Variants in CSMD2 observed in about 807,000 individuals in gnomAD.
CSMD2 encodes CUB and Sushi multiple domains 2, also known as CUB and sushi domain-containing protein 2.
Under a neutral mutation model 398.5 loss-of-function variants are expected in CSMD2, and 130 were observed. That is an observed-to-expected ratio of 0.33 (90% confidence interval 0.28 to 0.38). CSMD2 has a LOEUF of 0.38. CSMD2 is among the 10% of genes least tolerant of loss of function. The probability of loss-of-function intolerance (pLI) is 1.00; values close to 1 mark genes in which losing one functional copy is unlikely to be tolerated. For missense variants in CSMD2, 3,829 were observed against 4,764.9 expected (o/e 0.80, Z 5.78); for synonymous variants, 1,828 against 1,908.5 (o/e 0.96, Z 1.10).
intron 5 of CSMD2, among the ~76,000 whole-genome samples, chr1:33,856,902 G>C (rs1052290035): frequency 6.6e-6 from 1 of 151,746 alleles, no homozygotes; most frequent in Non-Finnish European, 1.5e-5. Context: ...CTCATAGTGC[G>C]ATTGTGAGTG....
chr1:33,677,970 AG>A (rs1644774855), intron 25 of CSMD2, among the ~76,000 whole-genome samples: 1 of 55,236 alleles, frequency 1.8e-5, no homozygotes, highest in South Asian at 9.1e-4. Flanking sequence ...GGGTGGGGGG[AG>A]GGGGGAGGGA....
At chr1:33,807,602 A>G (rs1656371229) in intron 10 of CSMD2, among the ~76,000 whole-genome samples, 1 of 152,010 alleles carries the variant, frequency 6.6e-6, no homozygotes, top group South Asian at 2.1e-4. Context: ...TAACAATAAT[A>G]ACTTGAGAAA....
intron 3 of CSMD2, among the ~76,000 whole-genome samples, chr1:34,015,877 T>A (rs1041083982): frequency 6.6e-6 from 1 of 152,118 alleles, no homozygotes; most frequent in African/African-American, 2.4e-5. Context: ...CGAATAAATC[T>A]TCAGCAGGAA....
intron 3 of CSMD2, among the ~76,000 whole-genome samples, chr1:34,011,025 T>C (rs557604270): frequency 2.6e-5 from 4 of 152,254 alleles, no homozygotes; most frequent in South Asian, 2.1e-4. Flanking sequence ...CCCTAACCCA[T>C]TCACCTTAAG....
In CSMD2 at chr1:34,008,281, G is replaced by A. The variant is rs532475444; in HGVS notation, c.517+24313C>T. On this transcript the variant is annotated intron_variant, in intron 3 of 70. Transcript: ENST00000373381. ...GTGTCAGGATTCAGCCTATTTTAAT[G>A]CAGGAAGAAATGAAGGTCCTGAAAG... Among the ~76,000 whole-genome samples the A allele has an allele frequency of 5.0e-4, 76 of 152,280 alleles. 1 individual carries two copies. Among genetic ancestry groups the A allele is most frequent in the Admixed American group, 1.6e-3 (25 of 15,292 alleles).
intron 53 of CSMD2, 100 bp downstream of exon 53, chr1:33,567,493 A>T: frequency 1.0e-5 from 8 of 779,686 alleles, no homozygotes; most frequent in East Asian, 3.2e-5. Flanking sequence ...ATATATATAT[A>T]TATTTAAAAC....
intron 40 of CSMD2, among the ~76,000 whole-genome samples, chr1:33,614,147 CT>C (rs61545118): frequency 0.11 from 16,189 of 149,738 alleles, 1,111 homozygotes; most frequent in Non-Finnish European, 0.16. Context: ...CCACCCCCGC[CT>C]TTTTTTTTAA....
intron 5 of CSMD2, among the ~76,000 whole-genome samples, chr1:33,868,259 C>A (rs1640180852): frequency 6.6e-6 from 1 of 152,206 alleles, no homozygotes; most frequent in African/African-American, 2.4e-5. Context: ...AATCACTCAA[C>A]TCTGATCCTT....
Position 33,537,290 on chromosome 1 carries a change from T to C in CSMD2, c.9805+146A>G, listed in dbSNP as rs1437947677. The C allele has an allele frequency of 2.7e-6, 3 of 1,116,542 alleles. No individual in the cohort carries two copies. The Admixed American group carries it at 6.3e-5, about 23-fold the overall frequency. The allele number at this position is 1,116,542 out of a possible 1,614,324, so 69.2% of individuals were successfully genotyped here. A position where few individuals can be genotyped will look rare whatever the true frequency, so the allele number is the denominator to read the frequency against. On this transcript the variant is annotated intron_variant, in intron 61 of 70. Transcript: ENST00000373381. This position sits in a 1 kb window ranked among gnomAD's most constrained non-coding sequence, Gnocchi z 4.6. ...GCACACTAGCTCTGGCTATTTTACA[T>C]CCTGCTGCAGAAGCTCAGAGGATGA...
chr1:33,724,898 A>T (rs1646477635), intron 17 of CSMD2, among the ~76,000 whole-genome samples, 194 bp from the exon 18 acceptor site: 1 of 152,200 alleles, frequency 6.6e-6, no homozygotes, highest in East Asian at 1.9e-4. Flanking sequence ...GAGTAAGAAA[A>T]TGACCTTGTC....
At chr1:33,907,656 C>G (rs148779341) in intron 5 of CSMD2, among the ~76,000 whole-genome samples, 2 of 152,164 alleles carry the variant, frequency 1.3e-5, no homozygotes, top group African/African-American at 4.8e-5. Flanking sequence ...CCCCAAATGA[C>G]CCAAACTGTT....
intron 1 of CSMD2, among the ~76,000 whole-genome samples, chr1:34,095,717 T>C (rs1288491451): frequency 6.6e-6 from 1 of 151,304 alleles, no homozygotes; most frequent in Non-Finnish European, 1.5e-5. Flanking sequence ...CAGGAAGAAG[T>C]TGAATCTCTG....
At chr1:33,783,875 C>T (rs766697094) in intron 12 of CSMD2, among the ~76,000 whole-genome samples, 5 of 152,140 alleles carry the variant, frequency 3.3e-5, no homozygotes, top group South Asian at 2.1e-4. Context: ...TTGTCCCTTC[C>T]GCCTTTGACT....
intron 3 of CSMD2, among the ~76,000 whole-genome samples, chr1:33,976,546 A>G (rs1190459212): frequency 6.6e-6 from 1 of 152,170 alleles, no homozygotes; most frequent in Non-Finnish European, 1.5e-5. Context: ...AGCTCAGAGC[A>G]GGGCTGTGGA....
chr1:34,025,897 G>T (rs1017589913), intron 3 of CSMD2, among the ~76,000 whole-genome samples: 2 of 152,140 alleles, frequency 1.3e-5, no homozygotes, highest in Non-Finnish European at 2.9e-5. Flanking sequence ...ACGAACAGCT[G>T]GATTAAGGAT....
intron 13 of CSMD2, among the ~76,000 whole-genome samples, chr1:33,750,678 G>T (rs1208957162): frequency 3.3e-5 from 5 of 152,120 alleles, no homozygotes; most frequent in Non-Finnish European, 7.4e-5. Flanking sequence ...GTCCAGAAAA[G>T]GAACCAAAAA....
chr1:33,700,521 A>G lies in CSMD2; in HGVS notation c.3729T>C (p.Phe1243=). 3 of 1,614,114 alleles carry G rather than the reference A, an allele frequency of 1.9e-6. No individual in the cohort carries two copies. The highest frequency in any genetic ancestry group is 2.5e-6 in the Non-Finnish European group (3 of 1,180,006). ...ACAGATGCAAGAAAGACTTACTGGAAAAGTGCAGTTCAAAGCCCTTGCTGG... is the reference window on the plus strand; with the variant it reads ...ACAGATGCAAGAAAGACTTACTGGAGAAGTGCAGTTCAAAGCCCTTGCTGG... The part of the protein sequence containing the change: ...ENTSKGFELH[F]SSFELIKCED... The change falls in exon 23 of 71, where the codon TTT becomes TTC. Residue 1243 remains phenylalanine, a synonymous_variant. Coordinates refer to ENST00000373381, the MANE Select transcript of CSMD2 (RefSeq NM_001281956.2).
At chr1:33,836,062 T>G (rs1439685102) in intron 6 of CSMD2, among the ~76,000 whole-genome samples, 2 of 152,226 alleles carry the variant, frequency 1.3e-5, no homozygotes, top group Admixed American at 1.3e-4. Context: ...CCTTTCTGTT[T>G]GTTAGTTTTC....
chr1:33,899,155 C>T (rs752095816), intron 5 of CSMD2, among the ~76,000 whole-genome samples: 11 of 152,324 alleles, frequency 7.2e-5, no homozygotes, highest in Non-Finnish European at 1.3e-4. Context: ...GAAAGGGGAA[C>T]GCTGATGGCA....
Sources: gnomAD v4.1 joint callset for allele counts (sites outside exome capture counted in the v4.1 genomes callset) on GRCh38, gnomAD v4.1.1 for gene constraint, Gnocchi (gnomAD v3.1) non-coding constraint, MANE v1.5 for transcripts, NCBI Gene and HGNC (gene_info 2026-07-23, HGNC 2026-07-21) for gene names.